PCDHA2: variants seen among roughly 807,000 people sequenced by gnomAD.
PCDHA2 encodes the protein protocadherin alpha-2.
PCDHA2 carries 58 observed loss-of-function variants against 66.0 expected under a neutral mutation model. The observed-to-expected ratio is 0.88, with a 90% confidence interval of 0.71 to 1.09. The LOEUF (loss-of-function observed/expected upper bound fraction) is 1.09. Ranked by LOEUF, PCDHA2 falls within the 50% of genes least tolerant of loss-of-function variation. The pLI, the probability that PCDHA2 is intolerant of heterozygous loss-of-function variation, is 0.00. For synonymous variants in PCDHA2, 634 were observed against 554.0 expected, an observed-to-expected ratio of 1.14 and a Z score of -2.03; for missense variants, 1,267 against 1,242.3, an observed-to-expected ratio of 1.02 and a Z score of -0.30.
chr5:140,928,917 G>A (rs181013464), intron 1 of PCDHA2: 4 of 1,614,134 alleles, frequency 2.5e-6, no homozygotes, highest in Admixed American at 1.7e-5. Context: ...AACCAGGAGG[G>A]CAGCTTTCTG....
chr5:140,887,835 C>A (rs2061600577), intron 1 of PCDHA2, among the ~76,000 whole-genome samples: 1 of 152,106 alleles, frequency 6.6e-6, no homozygotes, highest in Admixed American at 6.6e-5. Context: ...TTTTGAATAT[C>A]TTTTATTGAC....
chr5:140,822,285 G>A, intron 1 of PCDHA2: 1 of 1,614,220 alleles, frequency 6.2e-7, no homozygotes, highest in Non-Finnish European at 8.5e-7. Context: ...TGAGATACAG[G>A]TTAAATCCAA....
intron 1 of PCDHA2, among the ~76,000 whole-genome samples, chr5:140,897,071 A>AT (rs1433909021): frequency 3.3e-5 from 5 of 151,872 alleles, no homozygotes; most frequent in African/African-American, 1.2e-4. Flanking sequence ...TGTCTTATTC[A>AT]TTTTTTCTAT....
intron 1 of PCDHA2, chr5:140,834,608 G>A (rs2150222869): frequency 6.2e-7 from 1 of 1,614,060 alleles, no homozygotes; most frequent in East Asian, 2.2e-5. Context: ...GGGATCTTCT[G>A]GAGGTAAATC....
chr5:140,982,362 A>ATTCTGCTC, intron 2 of PCDHA2, 113 bp from the exon 3 acceptor site: 1 of 1,531,968 alleles, frequency 6.5e-7, no homozygotes, highest in Non-Finnish European at 8.8e-7. Context: ...GCATGAGCAG[A>ATTCTGCTC]ATGTGTTAGC....
At chr5:140,929,183 C>G (rs148631412) in intron 1 of PCDHA2, 1 of 1,614,144 alleles carries the variant, frequency 6.2e-7, no homozygotes, top group East Asian at 2.2e-5. Flanking sequence ...GGACTTGGTT[C>G]TGATAATAAC....
At chr5:140,802,658 C>G in intron 1 of PCDHA2, 1 of 1,613,590 alleles carries the variant, frequency 6.2e-7, no homozygotes, top group Non-Finnish European at 8.5e-7. Flanking sequence ...CGCAGGAGAA[C>G]GCCCTGGTGT....
chr5:140,801,443 C>A, intron 1 of PCDHA2: 2 of 1,613,926 alleles, frequency 1.2e-6, no homozygotes, highest in Non-Finnish European at 1.7e-6. Flanking sequence ...TGCAGAATGG[C>A]ATTTTGTTTG....
intron 1 of PCDHA2, chr5:140,834,324 A>G: frequency 6.9e-7 from 1 of 1,445,086 alleles, no homozygotes; most frequent in Non-Finnish European, 9.4e-7. Context: ...AGGGATAAAA[A>G]CATTCCTATA....
At chr5:140,929,132 T>C (rs782124526) in intron 1 of PCDHA2, 2 of 1,614,214 alleles carry the variant, frequency 1.2e-6, no homozygotes, top group East Asian at 4.5e-5. Flanking sequence ...GTCACTACAG[T>C]TGAGAGACTT....
chr5:140,876,165 C>T (rs782073467), intron 1 of PCDHA2: 4 of 1,613,944 alleles, frequency 2.5e-6, no homozygotes, highest in Admixed American at 1.7e-5. Flanking sequence ...TTCAAATAAC[C>T]GTCCTGGATG....
chr5:140,830,567 G>A (rs1771136580), intron 1 of PCDHA2: 1 of 951,116 alleles, frequency 1.1e-6, no homozygotes, highest in Non-Finnish European at 1.4e-6. Flanking sequence ...CTATATTTCT[G>A]TTTTTAATTT....
At chr5:141,000,430 T>A (rs1295455270) in intron 3 of PCDHA2, among the ~76,000 whole-genome samples, 2 of 126,420 alleles carry the variant, frequency 1.6e-5, no homozygotes, top group African/African-American at 6.1e-5. Context: ...TATTTTTTTT[T>A]TTTTTTTTTT....
chr5:140,850,243 G>T lies in PCDHA2; in HGVS notation c.2388+52891G>T, dbSNP rs2150475215. 2 of 1,593,880 alleles carry T rather than the reference G, an allele frequency of 1.3e-6. No homozygotes were observed. The highest frequency in any genetic ancestry group is 1.3e-5 in the African/African-American group (1 of 74,400). ...GGCGCAGTGAGCGAGATGGTGCTGC[G>T]GTCGGTGGGCGCCGGCGTAGTGGTG... On this transcript the variant is annotated intron_variant, in intron 1 of 3. Transcript: ENST00000526136.
At chr5:140,913,810 T>C (rs2076475017) in intron 1 of PCDHA2, among the ~76,000 whole-genome samples, 1 of 152,224 alleles carries the variant, frequency 6.6e-6, no homozygotes, top group South Asian at 2.1e-4. Context: ...AAATTTTCAA[T>C]TTCCTTTTAA....
chr5:141,007,437 A>G (rs913587541), intron 3 of PCDHA2, among the ~76,000 whole-genome samples: 2 of 150,734 alleles, frequency 1.3e-5, no homozygotes, highest in Non-Finnish European at 2.9e-5. Context: ...GCATGGTGGC[A>G]TGTGCCTGTA....
At chr5:140,836,611 G>T (rs1554136131) in intron 1 of PCDHA2, 2 of 1,613,590 alleles carry the variant, frequency 1.2e-6, no homozygotes, top group East Asian at 4.5e-5. Context: ...GTGTGCTCCA[G>T]CGCGGTGGGG....
At chr5:140,965,903 A>T (rs73793545) in intron 1 of PCDHA2, among the ~76,000 whole-genome samples, 2,475 of 152,308 alleles carry the variant, frequency 0.016, 63 homozygotes, top group African/African-American at 0.056. Context: ...CTTGGATCCC[A>T]GGATGCTGGT....
intron 1 of PCDHA2, chr5:140,855,800 A>C: frequency 2.1e-6 from 1 of 475,828 alleles, no homozygotes; most frequent in Non-Finnish European, 3.7e-6. Context: ...TAACATATGA[A>C]TGAAAGAAAA....
Sources: allele counts gnomAD v4.1 joint callset (sites outside exome capture counted in the v4.1 genomes callset), GRCh38; gene constraint gnomAD v4.1.1; transcripts MANE v1.5; gene names NCBI Gene and HGNC (gene_info 2026-07-23, HGNC 2026-07-21).